Variants in GPM6A observed in about 807,000 individuals in gnomAD.
GPM6A encodes glycoprotein M6A.
GPM6A carries 7 observed loss-of-function variants against 32.1 expected under a neutral mutation model. The observed-to-expected ratio is 0.22, with a 90% CI of 0.12 to 0.41. GPM6A has a LOEUF of 0.41. Ranked by LOEUF, GPM6A falls within the 10% of genes least tolerant of loss-of-function variation. The pLI is 1.00. For synonymous variants in GPM6A, 130 were observed against 123.4 expected (o/e 1.05, Z -0.35); for missense variants, 235 against 347.2 (o/e 0.68, Z 2.57).
Position 175,892,367 on chromosome 4 carries a change from T to C in GPM6A, c.-22-80118A>G, listed in dbSNP as rs192579765. Among the ~76,000 whole-genome samples the C allele has an allele frequency of 7.4e-4, 113 of 152,330 alleles. 1 individual carries two copies. In the Middle Eastern group the frequency reaches 0.014, roughly 18 times the overall value. The stretch of plus-strand genomic sequence containing the variant: ...ACTTTTTCTCACTTCTTGGTCATTA[T>C]TTGTGCTTTCTTCTCTCTCAAATGT... On this transcript the variant is annotated intron_variant, in intron 1 of 7. Coordinates refer to the GPM6A transcript ENST00000280187.
intron 1 of GPM6A, among the ~76,000 whole-genome samples, chr4:175,939,369 C>T (rs1189047365): frequency 1.3e-5 from 2 of 152,184 alleles, no homozygotes; most frequent in African/African-American, 4.8e-5. Flanking sequence ...GTAATCTGTA[C>T]ACTTCCTGAT....
At chr4:175,921,110 G>T (rs182490052) in intron 1 of GPM6A, among the ~76,000 whole-genome samples, 7 of 152,004 alleles carry the variant, frequency 4.6e-5, no homozygotes, top group Non-Finnish European at 4.4e-5. Context: ...ACATTACTTG[G>T]AATTTCACAC....
intron 1 of GPM6A, among the ~76,000 whole-genome samples, chr4:175,852,905 C>T (rs1329146025): frequency 2.0e-5 from 3 of 152,106 alleles, no homozygotes; most frequent in Non-Finnish European, 4.4e-5. Flanking sequence ...TTCAAAGCAA[C>T]GAATAGATTA....
chr4:175,731,701 T>C (rs1430725795), intron 1 of GPM6A, among the ~76,000 whole-genome samples: 4 of 152,236 alleles, frequency 2.6e-5, no homozygotes, highest in Non-Finnish European at 5.9e-5. Context: ...TTAGATGACG[T>C]CACTCCCTTT....
intron 6 of GPM6A, among the ~76,000 whole-genome samples, chr4:175,637,509 C>A (rs1740791294): frequency 6.9e-4 from 2 of 2,892 alleles, no homozygotes; most frequent in Non-Finnish European, 1.8e-3. Context: ...TATATAAAAC[C>A]TTTATATTTT....
intron 1 of GPM6A, among the ~76,000 whole-genome samples, chr4:175,908,759 T>G (rs1579617248): frequency 6.6e-6 from 1 of 152,138 alleles, no homozygotes; most frequent in East Asian, 1.9e-4. Flanking sequence ...GAGGCTTTAT[T>G]TCACATCAAC....
chr4:175,694,927 A>G (rs1004320999), intron 2 of GPM6A, among the ~76,000 whole-genome samples: 2 of 152,162 alleles, frequency 1.3e-5, no homozygotes, highest in Non-Finnish European at 2.9e-5. Flanking sequence ...GCACAGCCTC[A>G]GGACACTGCT....
intron 1 of GPM6A, among the ~76,000 whole-genome samples, chr4:175,903,830 G>A (rs957400597): frequency 1.3e-5 from 2 of 152,120 alleles, no homozygotes; most frequent in Admixed American, 1.3e-4. Context: ...CCTGGAGTGA[G>A]TGAGGAACCA....
rs1579657898 is a variant in GPM6A at position 175,951,814 on chromosome 4, C to T, written c.-23+50495G>A. ...ATAAGACTTAAACTGGTAAACTTTTCATAAGCAGATTGCCCTGCATAATGA... is the reference window on the plus strand; with the variant it reads ...ATAAGACTTAAACTGGTAAACTTTTTATAAGCAGATTGCCCTGCATAATGA... On this transcript the variant is annotated intron_variant, in intron 1 of 7. Transcript: ENST00000280187. Among the ~76,000 whole-genome samples the T allele has an allele frequency of 2.0e-5, 3 of 152,204 alleles. No individual in the cohort carries two copies. The East Asian group carries it at 5.8e-4, about 29-fold the overall frequency.
intron 1 of GPM6A, among the ~76,000 whole-genome samples, chr4:175,936,802 G>T (rs1739253569): frequency 6.6e-6 from 1 of 151,528 alleles, no homozygotes. Context: ...TGTAGTGGGG[G>T]GTTCATATCC....
At chr4:175,750,497 A>G (rs1732289916) in intron 1 of GPM6A, among the ~76,000 whole-genome samples, 1 of 151,972 alleles carries the variant, frequency 6.6e-6, no homozygotes, top group Admixed American at 6.6e-5. Context: ...TCTAGAGACA[A>G]AGTTAACATG....
At chr4:175,647,939 G>A (rs1317977733) in intron 4 of GPM6A, among the ~76,000 whole-genome samples, 1 of 152,036 alleles carries the variant, frequency 6.6e-6, no homozygotes, top group East Asian at 1.9e-4. Context: ...TCATGTAAAG[G>A]CTGCATGACA....
chr4:175,767,909 A>G (rs2111225389), intron 1 of GPM6A, among the ~76,000 whole-genome samples: 1 of 152,306 alleles, frequency 6.6e-6, no homozygotes, highest in East Asian at 1.9e-4. Context: ...TAGATGCCAC[A>G]TATTTCAGAT....
chr4:175,922,277 C>T (rs1738694154), intron 1 of GPM6A, among the ~76,000 whole-genome samples: 1 of 152,122 alleles, frequency 6.6e-6, no homozygotes, highest in South Asian at 2.1e-4. Context: ...TAATGATACC[C>T]AAATGTCCTA....
chr4:175,672,041 A>G (rs946778152), intron 3 of GPM6A, among the ~76,000 whole-genome samples: 1 of 151,218 alleles, frequency 6.6e-6, no homozygotes, highest in Non-Finnish European at 1.5e-5. Context: ...GAAAATTCCT[A>G]TTTGAAATAC....
At chr4:175,904,510 A>T (rs913331942) in intron 1 of GPM6A, among the ~76,000 whole-genome samples, 1 of 152,142 alleles carries the variant, frequency 6.6e-6, no homozygotes, top group African/African-American at 2.4e-5. Flanking sequence ...TAAAGTAAAC[A>T]TTCTATTTTT....
intron 1 of GPM6A, among the ~76,000 whole-genome samples, chr4:175,828,235 G>C (rs974037447): frequency 6.6e-6 from 1 of 152,138 alleles, no homozygotes; most frequent in African/African-American, 2.4e-5. Flanking sequence ...GAATTGTCTT[G>C]TAACAGTTAT....
At chr4:175,855,499 T>C (rs1736389643) in intron 1 of GPM6A, among the ~76,000 whole-genome samples, 1 of 152,036 alleles carries the variant, frequency 6.6e-6, no homozygotes, top group African/African-American at 2.4e-5. Flanking sequence ...CTGAACGAAA[T>C]AACTGTGGAA....
At chr4:175,947,010 T>C (rs1002001526) in intron 1 of GPM6A, among the ~76,000 whole-genome samples, 3 of 152,192 alleles carry the variant, frequency 2.0e-5, no homozygotes, top group Non-Finnish European at 4.4e-5. Flanking sequence ...AAATGCTTCA[T>C]TTATAGGATG....
Sources: gnomAD v4.1 joint callset for allele counts (sites outside exome capture counted in the v4.1 genomes callset) on GRCh38, gnomAD v4.1.1 for gene constraint, MANE v1.5 for transcripts, NCBI Gene and HGNC (gene_info 2026-07-23, HGNC 2026-07-21) for gene names.